The following ADARB2 variants were observed in gnomAD, a reference collection of about 807,000 sequenced individuals.
ADARB2 encodes adenosine deaminase RNA specific B2 (inactive), also known as inactive double-stranded RNA-specific editase B2.
In ADARB2, 25 loss-of-function variants were observed where a neutral mutation model predicts 62.2. That is an observed-to-expected ratio of 0.40 (90% CI 0.29 to 0.56). The LOEUF (loss-of-function observed/expected upper bound fraction) is 0.56. Ranked by LOEUF, ADARB2 falls within the 20% of genes least tolerant of loss-of-function variation. The pLI is 0.43. For missense variants in ADARB2, 1,071 were observed against 1,077.4 expected (o/e 0.99, Z 0.08); for synonymous variants, 572 against 500.8 (o/e 1.14, Z -1.90).
chr10:1,250,352 G>A (rs1831025577), intron 4 of ADARB2, among the ~76,000 whole-genome samples: 1 of 152,058 alleles, frequency 6.6e-6, no homozygotes, highest in African/African-American at 2.4e-5. Flanking sequence ...TCATGGGGTG[G>A]ATTCCTTATG....
chr10:1,690,819 C>T (rs896725642), intron 1 of ADARB2, among the ~76,000 whole-genome samples: 2 of 152,206 alleles, frequency 1.3e-5, no homozygotes, highest in Non-Finnish European at 2.9e-5. Context: ...TTCGGCTTGG[C>T]CGGGTCTCCC....
intron 1 of ADARB2, among the ~76,000 whole-genome samples, chr10:1,615,733 C>G (rs1188091270): frequency 6.6e-6 from 1 of 152,226 alleles, no homozygotes; most frequent in African/African-American, 2.4e-5. Context: ...AAGAAGGAGG[C>G]TGAGGCTGTT....
intron 1 of ADARB2, among the ~76,000 whole-genome samples, chr10:1,570,729 G>A (rs1832923285): frequency 6.6e-6 from 1 of 152,200 alleles, no homozygotes; most frequent in East Asian, 1.9e-4. Flanking sequence ...GCTTCGGAAA[G>A]GCATGGGGGC....
At chr10:1,324,357 A>T (rs934701021) in intron 3 of ADARB2, among the ~76,000 whole-genome samples, 7 of 152,208 alleles carry the variant, frequency 4.6e-5, no homozygotes, top group African/African-American at 1.7e-4. Flanking sequence ...ACGTGATTAC[A>T]ATGCAAACCA....
intron 1 of ADARB2, among the ~76,000 whole-genome samples, chr10:1,569,249 G>GGAGAGACAGAGAGCGAGAGA (rs1210066088): frequency 6.6e-6 from 1 of 151,546 alleles, no homozygotes; most frequent in African/African-American, 2.4e-5. Flanking sequence ...TGGTGGCGGG[G>GGAGAGACAGAGAGCGAGAGA]GAGAGACAGA....
At position 1,677,312 on chromosome 10, in the gene ADARB2, T is replaced by C. The variant is rs1834478267; in HGVS notation, c.100+59739A>G. On this transcript the variant is annotated intron_variant, in intron 1 of 9. Coordinates refer to ENST00000381312, the MANE Select transcript of ADARB2 (RefSeq NM_018702.4). ...CACTCTATGCTTCAGCAGCAGGACT[T>C]GTTTTAGGCTTGCAAGATGGAAACA... 1.3e-5 allele frequency among the ~76,000 whole-genome samples: 2 copies of C among 152,200 alleles called. 1 individual carries two copies. Among genetic ancestry groups the C allele is most frequent in the South Asian group, 4.1e-4 (2 of 4,830 alleles).
intron 1 of ADARB2, among the ~76,000 whole-genome samples, chr10:1,691,642 T>G (rs367732961): frequency 3.9e-5 from 6 of 152,318 alleles, no homozygotes; most frequent in African/African-American, 1.2e-4. Context: ...CTTCACGTAC[T>G]TTTCCTTTTC....
intron 4 of ADARB2, among the ~76,000 whole-genome samples, chr10:1,260,923 CA>C (rs1831130542): frequency 6.9e-6 from 1 of 143,970 alleles, no homozygotes; most frequent in Admixed American, 7.1e-5. Context: ...CTACAGTAAC[CA>C]AAACAGCATG....
intron 1 of ADARB2, among the ~76,000 whole-genome samples, chr10:1,474,926 G>A (rs1831379004): frequency 6.6e-6 from 1 of 152,190 alleles, no homozygotes; most frequent in Non-Finnish European, 1.5e-5. Flanking sequence ...CGAGCCCGGG[G>A]CCTCAGTGAC....
chr10:1,663,564 C>G (rs1834275849), intron 1 of ADARB2, among the ~76,000 whole-genome samples: 2 of 152,108 alleles, frequency 1.3e-5, no homozygotes, highest in Non-Finnish European at 2.9e-5. Context: ...GGGCTTCTTT[C>G]ACTTAATAAT....
At chr10:1,649,537 C>T (rs997654063) in intron 1 of ADARB2, among the ~76,000 whole-genome samples, 6 of 152,198 alleles carry the variant, frequency 3.9e-5, no homozygotes, top group Non-Finnish European at 7.3e-5. Context: ...TAACAGCTAG[C>T]TTCTTTACAC....
intron 1 of ADARB2, among the ~76,000 whole-genome samples, chr10:1,683,208 C>T (rs987099897): frequency 2.6e-5 from 4 of 151,958 alleles, no homozygotes; most frequent in Admixed American, 2.6e-4. Flanking sequence ...TAGGTCTGAC[C>T]CCAGATGCAA....
At chr10:1,276,051 T>A (rs1297271169) in intron 3 of ADARB2, among the ~76,000 whole-genome samples, 1 of 152,080 alleles carries the variant, frequency 6.6e-6, no homozygotes, top group Non-Finnish European at 1.5e-5. Flanking sequence ...CAAATGGTAT[T>A]TCTAGTTCTA....
At chr10:1,219,200 G>C (rs998921212) in intron 6 of ADARB2, among the ~76,000 whole-genome samples, 1 of 152,084 alleles carries the variant, frequency 6.6e-6, no homozygotes, top group Non-Finnish European at 1.5e-5. Context: ...TATAGCCTGT[G>C]GAACCTCAAG....
At chr10:1,552,467 A>G (rs1588299424) in intron 1 of ADARB2, among the ~76,000 whole-genome samples, 1 of 152,062 alleles carries the variant, frequency 6.6e-6, no homozygotes, top group Non-Finnish European at 1.5e-5. Flanking sequence ...CTGTGTGTTC[A>G]CCCCACAGTG....
intron 1 of ADARB2, among the ~76,000 whole-genome samples, chr10:1,573,765 G>C (rs142612755): frequency 2.6e-5 from 4 of 152,290 alleles, no homozygotes; most frequent in African/African-American, 7.2e-5. Context: ...AAGGCAAGAT[G>C]ATGGGGGCCA....
chr10:1,352,321 G>A (rs1033286510), intron 3 of ADARB2, among the ~76,000 whole-genome samples: 8 of 152,084 alleles, frequency 5.3e-5, no homozygotes, highest in South Asian at 2.1e-4. Flanking sequence ...TAACAAAACC[G>A]TTATATAAAC....
At chr10:1,449,313 A>AC (rs1345680578) in intron 1 of ADARB2, among the ~76,000 whole-genome samples, 1 of 151,892 alleles carries the variant, frequency 6.6e-6, no homozygotes, top group Non-Finnish European at 1.5e-5. Flanking sequence ...TCCCAGCTGG[A>AC]CCCCGTGCCC....
At chr10:1,209,494 C>CACCCACACCCAT (rs1837117557) in intron 7 of ADARB2, among the ~76,000 whole-genome samples, 11 of 137,968 alleles carry the variant, frequency 8.0e-5, no homozygotes, top group African/African-American at 3.2e-4. Flanking sequence ...CCTACACTGT[C>CACCCACACCCAT]GCCCATGCCT....
Sources: gnomAD v4.1 joint callset for allele counts (sites outside exome capture counted in the v4.1 genomes callset) on GRCh38, gnomAD v4.1.1 for gene constraint, MANE v1.5 for transcripts, NCBI Gene and HGNC (gene_info 2026-07-23, HGNC 2026-07-21) for gene names.